The following TRPV1 variants were observed in gnomAD, a reference collection of about 807,000 sequenced individuals.
TRPV1 encodes transient receptor potential cation channel subfamily V member 1.
In TRPV1, 82 loss-of-function variants were observed where a neutral mutation model predicts 82.3. That is an observed-to-expected ratio of 1.00 (90% CI 0.83 to 1.20). TRPV1 has a LOEUF of 1.20. TRPV1 is among the 50% of genes most tolerant of loss of function. The probability of loss-of-function intolerance (pLI) is 0.00; values close to 1 mark genes in which losing one functional copy is unlikely to be tolerated. For missense variants in TRPV1, 1,067 were observed against 1,096.8 expected (o/e 0.97, Z 0.38); for synonymous variants, 515 against 467.7 (o/e 1.10, Z -1.30).
intron 2 of TRPV1, among the ~76,000 whole-genome samples, chr17:3,602,785 C>T (rs1026855241): frequency 6.6e-6 from 1 of 152,188 alleles, no homozygotes; most frequent in South Asian, 2.1e-4. Context: ...CACTGGCCAT[C>T]GGAGACAAAT....
intron 15 of TRPV1, 30 bp downstream of exon 15, chr17:3,572,092 G>A (rs958417177): frequency 6.2e-7 from 1 of 1,606,826 alleles, no homozygotes; most frequent in Non-Finnish European, 8.5e-7. Flanking sequence ...AAGCTCCCAA[G>A]CCCTGATTCA....
chr17:3,604,382 G>A (rs1390159121), intron 2 of TRPV1, among the ~76,000 whole-genome samples: 1 of 152,094 alleles, frequency 6.6e-6, no homozygotes, highest in African/African-American at 2.4e-5. Flanking sequence ...CGGATCACCT[G>A]AGGTCAGGAG....
At chr17:3,589,621 T>C (rs1285629769) in intron 7 of TRPV1, among the ~76,000 whole-genome samples, 186 bp downstream of exon 7, 3 of 152,204 alleles carry the variant, frequency 2.0e-5, no homozygotes, top group Admixed American at 6.5e-5. Context: ...ACGTTGGCCA[T>C]TGCAGGGTTC....
chr17:3,573,609 C>T (rs1224301591), intron 14 of TRPV1, 24 bp downstream of exon 14: 21 of 1,597,688 alleles, frequency 1.3e-5, no homozygotes, highest in Non-Finnish European at 1.6e-5. Context: ...CGCCACTCAC[C>T]ACCCCCCAAC....
rs2150839835 is a variant in TRPV1, at chr17:3,583,383, T to A, written c.1431A>T (p.Gly477=). 1 of 1,610,432 alleles carries A rather than the reference T, an allele frequency of 6.2e-7. No individual in the cohort carries two copies. Among genetic ancestry groups the A allele is most frequent in the Admixed American group, 1.7e-5 (1 of 59,538 alleles). ...EKTGDYFRVT[G]EILSVLGGVY... is the part of the protein sequence containing the mutation. ...CTCCTCCTAACACAGACAGGATCTC[T>A]CCAGTAACTCGGAAATAGTCTCCAG... Residue 477 remains glycine, a synonymous_variant, in exon 10 of 17, where the codon GGA becomes GGT. Coordinates refer to ENST00000572705, the MANE Select transcript of TRPV1 (RefSeq NM_080704.4).
At chr17:3,592,488 A>G in intron 2 of TRPV1, 105 bp from the exon 3 acceptor site, 1 of 1,178,054 alleles carries the variant, frequency 8.5e-7, no homozygotes, top group Non-Finnish European at 1.2e-6. Flanking sequence ...GGGTACCCCA[A>G]AACTCCAACT....
At chr17:3,590,155 C>A in intron 6 of TRPV1, 50 bp from the exon 7 acceptor site, 1 of 1,584,942 alleles carries the variant, frequency 6.3e-7, no homozygotes. Flanking sequence ...ATCCAGCTGG[C>A]CCCTGAACCA....
At chr17:3,607,923 A>C (rs1238383082) in intron 2 of TRPV1, among the ~76,000 whole-genome samples, 1 of 152,064 alleles carries the variant, frequency 6.6e-6, no homozygotes, top group Non-Finnish European at 1.5e-5. Context: ...TGACAGCAAA[A>C]CTGGCATGAG....
At chr17:3,607,537 AAT>A (rs1491151017) in intron 2 of TRPV1, among the ~76,000 whole-genome samples, 1 of 81,042 alleles carries the variant, frequency 1.2e-5, no homozygotes, top group Non-Finnish European at 2.3e-5. Context: ...AAAGTAGAAC[AAT>A]TTTTTTTTTT....
In TRPV1 at chr17:3,608,546, G is replaced by A. The variant is rs1419033762; in HGVS notation, c.-153C>T. ...GGACGGTTTGCATCCCAGATGGCAC[G>A]GCAGAGACTCTCCATCACACTGCTC... is the stretch of plus-strand genomic sequence containing the variant. On this transcript the variant is annotated 5_prime_UTR_variant, in exon 2 of 17. Coordinates refer to ENST00000572705, the MANE Select transcript of TRPV1 (RefSeq NM_080704.4). The A allele has an allele frequency of 2.0e-5, 3 of 152,146 alleles. No individual in the cohort carries two copies. The highest frequency in any genetic ancestry group is 2.1e-4 in the South Asian group (1 of 4,822). The allele number at this position is 152,146 out of a possible 1,614,324, so 9.4% of individuals were successfully genotyped here. A position where few individuals can be genotyped will look rare whatever the true frequency, so the allele number is the denominator to read the frequency against.
At chr17:3,585,641 C>A (rs1225574356) in intron 9 of TRPV1, 127 bp downstream of exon 9, 1 of 1,191,068 alleles carries the variant, frequency 8.4e-7, no homozygotes, top group African/African-American at 1.5e-5. Context: ...CCATCCATCG[C>A]TCCCGCAAGC....
At chr17:3,604,732 A>G (rs2075286367) in intron 2 of TRPV1, among the ~76,000 whole-genome samples, 1 of 152,148 alleles carries the variant, frequency 6.6e-6, no homozygotes, top group Non-Finnish European at 1.5e-5. Flanking sequence ...CGGGAGGAAA[A>G]GCAGCGGCTG....
intron 5 of TRPV1, 58 bp downstream of exon 5, chr17:3,590,905 GC>G (rs3216758): frequency 3.5e-5 from 52 of 1,500,164 alleles, no homozygotes; most frequent in Non-Finnish European, 4.4e-5. Flanking sequence ...GGACAACCAT[GC>G]CCCCCTGCTT....
chr17:3,574,225 G>T (rs968212236), intron 13 of TRPV1, among the ~76,000 whole-genome samples: 1 of 152,052 alleles, frequency 6.6e-6, no homozygotes, highest in African/African-American at 2.4e-5. Flanking sequence ...TTAACCATAC[G>T]TGTCAGCTCT....
At chr17:3,593,340 G>A (rs1287823562) in intron 2 of TRPV1, among the ~76,000 whole-genome samples, 1 of 152,134 alleles carries the variant, frequency 6.6e-6, no homozygotes, top group Non-Finnish European at 1.5e-5. Context: ...ATTTGGAGCT[G>A]GTTGGTCTTC....
rs202240327 is a variant in TRPV1, at chr17:3,585,789, G to T, written c.1362C>A (p.Tyr454Ter). 7 of 1,613,666 alleles carry T rather than the reference G, an allele frequency of 4.3e-6. No homozygotes were observed. Among genetic ancestry groups the T allele is most frequent in the Non-Finnish European group, 5.9e-6 (7 of 1,179,764 alleles). ...GCACCAAGCCATCCACGGGCCTGTAGTAGGCAGCCATGGTGAAGATGATCA... is the reference window on the plus strand; with the variant it reads ...GCACCAAGCCATCCACGGGCCTGTATTAGGCAGCCATGGTGAAGATGATCA... ...LYMIIFTMAA[Y>*]YRPVDGLPPF... Residue 454 changes from tyrosine to a stop codon, truncating the protein, a stop_gained, in exon 9 of 17, where the codon TAC (tyrosine) becomes TAA (stop). Coordinates refer to ENST00000572705, the MANE Select transcript of TRPV1 (RefSeq NM_080704.4). LOFTEE classifies it high-confidence loss of function.
At chr17:3,593,591 C>T (rs962286320) in intron 2 of TRPV1, among the ~76,000 whole-genome samples, 4 of 152,138 alleles carry the variant, frequency 2.6e-5, no homozygotes, top group African/African-American at 9.7e-5. Context: ...AGTCCTATCA[C>T]CACTCAGATG....
chr17:3,600,399 C>T (rs1055305031), intron 2 of TRPV1, among the ~76,000 whole-genome samples: 1 of 152,116 alleles, frequency 6.6e-6, no homozygotes, highest in Admixed American at 6.6e-5. Context: ...ACCAGCCTAG[C>T]CAACATAGTG....
At chr17:3,599,491 T>C (rs1434293560) in intron 2 of TRPV1, among the ~76,000 whole-genome samples, 1 of 151,804 alleles carries the variant, frequency 6.6e-6, no homozygotes, top group Non-Finnish European at 1.5e-5. Context: ...TTTATGAATT[T>C]AACTATTCTA....
Sources: gnomAD v4.1 joint callset for allele counts (sites outside exome capture counted in the v4.1 genomes callset) on GRCh38, gnomAD v4.1.1 for gene constraint, MANE v1.5 for transcripts, NCBI Gene and HGNC (gene_info 2026-07-23, HGNC 2026-07-21) for gene names.